The following TFDP1 variants were observed in gnomAD, a reference collection of about 807,000 sequenced individuals.
The protein encoded by TFDP1 is DRTF1-polypeptide 1.
TFDP1 carries 6 observed loss-of-function variants against 48.0 expected under a neutral mutation model. The ratio of observed to expected loss-of-function variants is 0.13; its 90% CI spans 0.07 to 0.25. The LOEUF is 0.25. TFDP1 is among the 10% of genes least tolerant of loss of function. The pLI, the probability that TFDP1 is intolerant of heterozygous loss-of-function variation, is 1.00. For missense variants in TFDP1, 335 were observed against 543.0 expected (o/e 0.62, Z 3.81); for synonymous variants, 201 against 211.6 (o/e 0.95, Z 0.44).
chr13:113,618,867 A>T (rs1044159750), intron 3 of TFDP1, among the ~76,000 whole-genome samples: 4 of 152,254 alleles, frequency 2.6e-5, no homozygotes, highest in Non-Finnish European at 5.9e-5. Context: ...TGTTGGCAGA[A>T]TTGCAGAATG....
intron 2 of TFDP1, among the ~76,000 whole-genome samples, chr13:113,601,001 T>C (rs2048411562): frequency 6.6e-6 from 1 of 152,222 alleles, no homozygotes; most frequent in South Asian, 2.1e-4. Flanking sequence ...CTCTTCCCAC[T>C]TGATGCTTTT....
At chr13:113,610,914 C>T in intron 2 of TFDP1, 82 bp from the exon 3 acceptor site, 2 of 1,280,116 alleles carry the variant, frequency 1.6e-6, no homozygotes, top group South Asian at 2.4e-5. Flanking sequence ...TTTGATAGAA[C>T]CCTTGAGGGT....
chr13:113,620,314 C>T (rs71449026), intron 3 of TFDP1, among the ~76,000 whole-genome samples: 3,096 of 152,344 alleles, frequency 0.02, 56 homozygotes, highest in Admixed American at 0.049. Context: ...TGAGTGTATG[C>T]TACCTGTGGT....
intron 8 of TFDP1, among the ~76,000 whole-genome samples, chr13:113,634,953 ATC>A (rs2049445041): frequency 1.3e-5 from 2 of 152,244 alleles, no homozygotes; most frequent in South Asian, 2.1e-4. Context: ...GTATGTGTGT[ATC>A]TCTCGTCACA....
chr13:113,590,951 A>G (rs2048125070), intron 2 of TFDP1, among the ~76,000 whole-genome samples: 1 of 141,362 alleles, frequency 7.1e-6, no homozygotes, highest in Admixed American at 7.5e-5. Flanking sequence ...CGGAGCTTGC[A>G]GTGAGCAGAG....
chr13:113,637,335 C>A, intron 10 of TFDP1: 1 of 287,686 alleles, frequency 3.5e-6, no homozygotes, highest in Non-Finnish European at 6.8e-6. Context: ...GTCAGAGATT[C>A]CTCCCTGAGC....
intron 4 of TFDP1, 79 bp from the exon 5 acceptor site, chr13:113,631,544 A>C: frequency 6.6e-7 from 1 of 1,520,380 alleles, no homozygotes; most frequent in Admixed American, 2.3e-5. Context: ...GTGGCTGCGG[A>C]TAGCGAACAG....
rs2049203052 is a variant in TFDP1 at position 113,627,213 on chromosome 13, A to T, written c.186+3927A>T. Among the ~76,000 whole-genome samples, 1 of 152,178 alleles carries T rather than the reference A, an allele frequency of 6.6e-6. No homozygotes were observed. The highest frequency in any genetic ancestry group is 1.5e-5 in the Non-Finnish European group (1 of 68,030). On this transcript the variant is annotated intron_variant, in intron 4 of 11. Transcript: ENST00000375370. The surrounding 1 kb of genome is among the most constrained non-coding windows in gnomAD (Gnocchi z 4.1). ...CGGTGGGGAGGTCCTTAGGTCTCTGACCTGCACCAGTCAGCAGGCGCAGGG... is the reference window on the plus strand; with the variant it reads ...CGGTGGGGAGGTCCTTAGGTCTCTGTCCTGCACCAGTCAGCAGGCGCAGGG...
intron 5 of TFDP1, 110 bp downstream of exon 5, chr13:113,631,854 G>T: frequency 1.4e-6 from 2 of 1,415,124 alleles, no homozygotes; most frequent in African/African-American, 2.9e-5. Flanking sequence ...GCTCCCACGC[G>T]CGTTGACGCC....
At chr13:113,590,930 A>C (rs1251148986) in intron 2 of TFDP1, among the ~76,000 whole-genome samples, 1 of 144,764 alleles carries the variant, frequency 6.9e-6, no homozygotes, top group African/African-American at 2.6e-5. Flanking sequence ...GAATGGCGTG[A>C]ACTCGGGAGG....
rs775506596 is a variant in TFDP1, at chr13:113,585,867, A to G, written c.12+18A>G. 3 of 1,599,704 alleles carry G rather than the reference A, an allele frequency of 1.9e-6. No homozygotes were observed. Among genetic ancestry groups the G allele is most frequent in the South Asian group, 1.1e-5 (1 of 90,268 alleles). The stretch of plus-strand genomic sequence containing the variant: ...CAAAAGATGTAAGTATGTTTGCTTC[A>G]TGCTGCACACGAATGTTTGCCTCGC... On this transcript the variant is annotated intron_variant, in intron 2 of 11. Transcript: ENST00000375370.
chr13:113,610,478 G>A (rs1367457753), intron 2 of TFDP1, among the ~76,000 whole-genome samples: 5 of 136,336 alleles, frequency 3.7e-5, no homozygotes, highest in African/African-American at 8.7e-5. Flanking sequence ...GTGTGCCCCC[G>A]CTGTGTGGTT....
intron 2 of TFDP1, among the ~76,000 whole-genome samples, chr13:113,590,901 T>C (rs780379968): frequency 2.1e-5 from 3 of 143,636 alleles, no homozygotes; most frequent in Non-Finnish European, 4.5e-5. Context: ...TCCCAGCTAC[T>C]GGGGAGGCTG....
intron 4 of TFDP1, among the ~76,000 whole-genome samples, chr13:113,625,798 ACGTGTCCTCAGGTGTCTCACG>A (rs2049151175): frequency 2.0e-5 from 2 of 99,194 alleles, no homozygotes; most frequent in Non-Finnish European, 4.1e-5. Context: ...GGCGTCTCTC[ACGTGTCCTCAGGTGTCTCACG>A]CGTCCTCAGG....
chr13:113,602,518 A>G (rs908028787), intron 2 of TFDP1, among the ~76,000 whole-genome samples: 2 of 152,166 alleles, frequency 1.3e-5, no homozygotes, highest in Non-Finnish European at 2.9e-5. Flanking sequence ...ATGCAGTTTA[A>G]TGTGCAGTGC....
At chr13:113,610,832 G>A (rs933734768) in intron 2 of TFDP1, among the ~76,000 whole-genome samples, 164 bp from the exon 3 acceptor site, 1 of 152,186 alleles carries the variant, frequency 6.6e-6, no homozygotes, top group Admixed American at 6.5e-5. Context: ...TCCTTCTCCG[G>A]ACCTGGCGTT....
chr13:113,609,176 C>A (rs764402566), intron 2 of TFDP1, among the ~76,000 whole-genome samples: 2 of 152,254 alleles, frequency 1.3e-5, no homozygotes, highest in African/African-American at 2.4e-5. Context: ...GTTCTTGCTC[C>A]ACGGCTCTTT....
intron 4 of TFDP1, among the ~76,000 whole-genome samples, chr13:113,630,136 G>A (rs2049295187): frequency 2.0e-5 from 3 of 148,294 alleles, no homozygotes; most frequent in Admixed American, 1.4e-4. Context: ...GATCTCCCAC[G>A]TGGCCCAGTG....
At chr13:113,621,783 C>T (rs1008205511) in intron 3 of TFDP1, among the ~76,000 whole-genome samples, 3 of 152,110 alleles carry the variant, frequency 2.0e-5, no homozygotes, top group Non-Finnish European at 2.9e-5. Flanking sequence ...CTTAGCAGAC[C>T]GGGAAAGGGA....
Sources: allele counts gnomAD v4.1 joint callset (sites outside exome capture counted in the v4.1 genomes callset), GRCh38; gene constraint gnomAD v4.1.1; non-coding constraint Gnocchi (gnomAD v3.1); transcripts MANE v1.5; gene names NCBI Gene and HGNC (gene_info 2026-07-23, HGNC 2026-07-21).